PCDH9: variants seen among roughly 807,000 people sequenced by gnomAD.
PCDH9 encodes protocadherin-9.
PCDH9 carries 24 observed loss-of-function variants against 70.6 expected under a neutral mutation model. The ratio of observed to expected loss-of-function variants is 0.34; its 90% CI spans 0.25 to 0.48. PCDH9 has a LOEUF of 0.48. Ranked by LOEUF, PCDH9 falls within the 20% of genes least tolerant of loss-of-function variation. The probability of loss-of-function intolerance (pLI) is 0.99; values close to 1 mark genes in which losing one functional copy is unlikely to be tolerated. For missense variants in PCDH9, 1,281 were observed against 1,503.6 expected (o/e 0.85, Z 2.45); for synonymous variants, 562 against 558.5 (o/e 1.01, Z -0.09).
At chr13:67,210,330 GAT>G (rs778727316) in intron 2 of PCDH9, 1 of 151,974 alleles carries the variant, frequency 6.6e-6, no homozygotes, top group Non-Finnish European at 1.5e-5. Context: ...CCTCAAAAAA[GAT>G]AGAGGCAATA....
chr13:66,309,086 T>C (rs944319400), intron 4 of PCDH9, among the ~76,000 whole-genome samples: 1 of 152,096 alleles, frequency 6.6e-6, no homozygotes, highest in African/African-American at 2.4e-5. Flanking sequence ...ACTTACTTTA[T>C]GCTTCGGTAA....
In PCDH9 at chr13:66,506,903, G is replaced by C. The variant is rs147895287; in HGVS notation, c.3340+124307C>G. Among the ~76,000 whole-genome samples, 599 of 152,296 alleles carry C rather than the reference G, an allele frequency of 3.9e-3. 2 individuals carry two copies. Among genetic ancestry groups the C allele is most frequent in the African/African-American group, 0.014 (572 of 41,548 alleles). ...CTTGCTTTATAACACCAGATTAAAT[G>C]CATGGAAAATACTTTGTTGTGCAGG... On this transcript the variant is annotated intron_variant, in intron 4 of 4. Transcript: ENST00000377865.
intron 2 of PCDH9, among the ~76,000 whole-genome samples, chr13:67,133,868 C>T (rs1238080681): frequency 1.3e-5 from 2 of 152,060 alleles, no homozygotes; most frequent in Non-Finnish European, 2.9e-5. Context: ...ATTAGATTCA[C>T]ATAAGAAATC....
chr13:66,444,287 G>A (rs1265029709), intron 4 of PCDH9, among the ~76,000 whole-genome samples: 4 of 152,104 alleles, frequency 2.6e-5, no homozygotes, highest in Admixed American at 2.6e-4. Flanking sequence ...GGCCAGTAAT[G>A]GTTTCCATGG....
At chr13:66,619,213 G>A (rs989749137) in intron 4 of PCDH9, among the ~76,000 whole-genome samples, 17 of 151,876 alleles carry the variant, frequency 1.1e-4, no homozygotes, top group South Asian at 2.1e-4. Context: ...TAAAGTGTAC[G>A]GTGAAAAGTT....
At chr13:66,616,457 A>C (rs1171107797) in intron 4 of PCDH9, among the ~76,000 whole-genome samples, 8 of 145,364 alleles carry the variant, frequency 5.5e-5, no homozygotes, top group Non-Finnish European at 1.2e-4. Flanking sequence ...AAAACTTATC[A>C]TACATTCGTC....
intron 4 of PCDH9, among the ~76,000 whole-genome samples, chr13:66,356,739 G>C (rs779562751): frequency 1.3e-5 from 2 of 152,076 alleles, no homozygotes; most frequent in Non-Finnish European, 2.9e-5. Flanking sequence ...TGTAGTTACA[G>C]TAAGCTGAAT....
At chr13:66,973,672 T>G (rs1455153533) in intron 2 of PCDH9, among the ~76,000 whole-genome samples, 1 of 152,062 alleles carries the variant, frequency 6.6e-6, no homozygotes, top group Non-Finnish European at 1.5e-5. Flanking sequence ...GATACAAACC[T>G]TGGGTGAAAG....
intron 2 of PCDH9, among the ~76,000 whole-genome samples, chr13:67,059,932 A>G (rs919177423): frequency 1.3e-5 from 2 of 150,232 alleles, no homozygotes; most frequent in East Asian, 2.0e-4. Context: ...TAGATGCTCA[A>G]AAAGTTTAAC....
At chr13:66,356,837 A>C (rs1956391883) in intron 4 of PCDH9, among the ~76,000 whole-genome samples, 1 of 152,062 alleles carries the variant, frequency 6.6e-6, no homozygotes, top group Admixed American at 6.6e-5. Flanking sequence ...TAATTATTAC[A>C]ACATTCTTAT....
chr13:66,643,107 A>G (rs1393872466), intron 3 of PCDH9, among the ~76,000 whole-genome samples: 3 of 152,202 alleles, frequency 2.0e-5, no homozygotes, highest in Non-Finnish European at 2.9e-5. Context: ...TAACATTCAG[A>G]TATGGAAATA....
At chr13:67,038,529 C>CTA (rs946300472) in intron 2 of PCDH9, among the ~76,000 whole-genome samples, 4 of 152,094 alleles carry the variant, frequency 2.6e-5, no homozygotes, top group African/African-American at 9.7e-5. Flanking sequence ...TAATGTGATA[C>CTA]TATAGCAAGC....
intron 2 of PCDH9, among the ~76,000 whole-genome samples, chr13:67,068,805 A>T (rs2085702243): frequency 6.6e-6 from 1 of 152,218 alleles, no homozygotes; most frequent in Admixed American, 6.6e-5. Flanking sequence ...AATGAATACA[A>T]CAACTTTGAA....
intron 4 of PCDH9, among the ~76,000 whole-genome samples, chr13:66,602,026 T>G (rs1473788052): frequency 6.8e-6 from 1 of 146,142 alleles, no homozygotes; most frequent in Non-Finnish European, 1.5e-5. Context: ...AAAGTTACTT[T>G]TACTTAAAAA....
chr13:66,919,040 T>A lies in PCDH9; in HGVS notation c.3037-15435A>T, dbSNP rs941673298. Among the ~76,000 whole-genome samples, 145 of 151,320 alleles carry A rather than the reference T, an allele frequency of 9.6e-4. 11 individuals carry two copies. The highest frequency in any genetic ancestry group is 4.4e-5 in the Non-Finnish European group (3 of 67,476). Reference sequence around the variant, plus strand: ...CTCCCCTCCTGTATGTCTCTGTTCATTTCACTATCCTTTACTGTTCCTTTC... The same window carrying A: ...CTCCCCTCCTGTATGTCTCTGTTCAATTCACTATCCTTTACTGTTCCTTTC... On this transcript the variant is annotated intron_variant, in intron 2 of 4. Coordinates refer to ENST00000377865, the MANE Select transcript of PCDH9 (RefSeq NM_203487.3).
chr13:66,744,120 A>G (rs1026820045), intron 3 of PCDH9, among the ~76,000 whole-genome samples: 1 of 152,210 alleles, frequency 6.6e-6, no homozygotes, highest in Non-Finnish European at 1.5e-5. Context: ...AGAGAGCCCC[A>G]CGCATCTGGG....
chr13:66,449,213 T>C (rs150900390), intron 4 of PCDH9, among the ~76,000 whole-genome samples: 348 of 152,264 alleles, frequency 2.3e-3, no homozygotes, highest in African/African-American at 7.7e-3. Flanking sequence ...TTTGAACATG[T>C]AGCCAGGAGA....
At chr13:66,662,178 G>A (rs910264854) in intron 3 of PCDH9, among the ~76,000 whole-genome samples, 1 of 151,974 alleles carries the variant, frequency 6.6e-6, no homozygotes, top group Non-Finnish European at 1.5e-5. Flanking sequence ...AGAACCTAAA[G>A]AATGTCACAT....
intron 4 of PCDH9, among the ~76,000 whole-genome samples, chr13:66,562,073 A>G (rs959373083): frequency 3.3e-5 from 5 of 152,128 alleles, no homozygotes; most frequent in Non-Finnish European, 7.3e-5. Flanking sequence ...AACAAACTCC[A>G]GAAACGCCAC....
Sources: gnomAD v4.1 joint callset for allele counts (sites outside exome capture counted in the v4.1 genomes callset) on GRCh38, gnomAD v4.1.1 for gene constraint, MANE v1.5 for transcripts, NCBI Gene and HGNC (gene_info 2026-07-23, HGNC 2026-07-21) for gene names.